Variants in BRF1 observed in about 807,000 individuals in gnomAD.
BRF1 encodes the protein transcription factor IIIB 90 kDa subunit.
A neutral mutation model predicts 81.7 loss-of-function variants in BRF1; 59 were observed. That is an observed-to-expected ratio of 0.72 (90% CI 0.59 to 0.90). The LOEUF is 0.90. BRF1 is among the 40% of genes least tolerant of loss of function. BRF1 has a pLI of 0.00. For synonymous variants in BRF1, 491 were observed against 395.6 expected (o/e 1.24, Z -2.86); for missense variants, 1,050 against 936.3 (o/e 1.12, Z -1.58).
rs1423815086 is a variant in BRF1, at chr14:105,249,123, C to G, written c.544+3384G>C. 3.9e-6 allele frequency: 6 copies of G among 1,520,894 alleles called. No individual in the cohort carries two copies. In the African/African-American group the frequency reaches 8.5e-5, roughly 22 times the overall value. The allele number at this position is 1,520,894 out of a possible 1,614,324, so 94.2% of individuals were successfully genotyped here. The stretch of plus-strand genomic sequence containing the variant: ...CCCGCGGCCCCCGCGCCCGCGCGCG[C>G]CCACGCCCCCAGCCCGTGCCTCTAC... On this transcript the variant is annotated intron_variant, in intron 5 of 17. Transcript: ENST00000547530.
chr14:105,287,850 A>G (rs1026889730), intron 1 of BRF1, among the ~76,000 whole-genome samples: 1 of 152,272 alleles, frequency 6.6e-6, no homozygotes, highest in Non-Finnish European at 1.5e-5. Context: ...AGCAAGGGGC[A>G]GCTACTGGGC....
intron 1 of BRF1, among the ~76,000 whole-genome samples, 167 bp downstream of exon 1, chr14:105,300,279 T>A (rs1374871616): frequency 6.6e-6 from 1 of 151,382 alleles, no homozygotes; most frequent in African/African-American, 2.4e-5. Flanking sequence ...GCGAAGAAGG[T>A]CTACATTCTC....
intron 2 of BRF1, among the ~76,000 whole-genome samples, chr14:105,283,615 G>T (rs1380507753): frequency 6.6e-6 from 1 of 152,198 alleles, no homozygotes; most frequent in Non-Finnish European, 1.5e-5. Context: ...AAAGGCTTTT[G>T]AAAAGGTAAG....
At chr14:105,249,287 C>CGCCCCGTGCCCCGTCCGCCCCGT in intron 5 of BRF1, 1 of 1,563,026 alleles carries the variant, frequency 6.4e-7, no homozygotes, top group East Asian at 2.3e-5. Flanking sequence ...GTGCCCCGTC[C>CGCCCCGTGCCCCGTCCGCCCCGT]GCCCCGTCCG....
chr14:105,291,055 T>C (rs7146643), intron 1 of BRF1, among the ~76,000 whole-genome samples: 46,109 of 151,992 alleles, frequency 0.3, 7,225 homozygotes, highest in African/African-American at 0.33. Context: ...TTCCATAGCG[T>C]GTTTCTATAA....
At chr14:105,273,637 C>T (rs1183407217) in intron 2 of BRF1, among the ~76,000 whole-genome samples, 1 of 152,192 alleles carries the variant, frequency 6.6e-6, no homozygotes, top group African/African-American at 2.4e-5. Context: ...GAAACCTGTG[C>T]TGTATGGAAT....
intron 1 of BRF1, among the ~76,000 whole-genome samples, chr14:105,292,099 T>TC (rs925992426): frequency 1.3e-5 from 2 of 152,170 alleles, no homozygotes; most frequent in African/African-American, 4.8e-5. Context: ...CAAGGAATCC[T>TC]CCCACCTCAG....
intron 2 of BRF1, among the ~76,000 whole-genome samples, chr14:105,275,468 G>A (rs2056843432): frequency 6.6e-6 from 1 of 152,248 alleles, no homozygotes; most frequent in South Asian, 2.1e-4. Flanking sequence ...CTGCACATGT[G>A]CAGCACCAGC....
chr14:105,305,598 T>C (rs2058163929), upstream of BRF1, among the ~76,000 whole-genome samples: 1 of 152,142 alleles, frequency 6.6e-6, no homozygotes, highest in Non-Finnish European at 1.5e-5. Context: ...GGTTTGCCAT[T>C]GCAGTGTGAA....
chr14:105,222,464 C>T (rs2141497800), intron 10 of BRF1: 1 of 152,498 alleles, frequency 6.6e-6, no homozygotes, highest in South Asian at 2.1e-4. Flanking sequence ...ATACAAAGAC[C>T]TCCAGTCCTG....
intron 1 of BRF1, among the ~76,000 whole-genome samples, chr14:105,288,264 C>T (rs587651186): frequency 3.4e-4 from 52 of 151,592 alleles, no homozygotes; most frequent in Middle Eastern, 3.4e-3. Context: ...ACCATCTTGG[C>T]GAACATGGTG....
chr14:105,281,454 G>C (rs1001243193), intron 2 of BRF1, among the ~76,000 whole-genome samples: 44 of 148,846 alleles, frequency 3.0e-4, no homozygotes, highest in African/African-American at 1.1e-3. Flanking sequence ...GCCCGGGTGT[G>C]TGGATACAGC....
intron 1 of BRF1, among the ~76,000 whole-genome samples, chr14:105,288,606 C>T (rs1401593788): frequency 3.3e-5 from 5 of 151,036 alleles, no homozygotes; most frequent in East Asian, 2.0e-4. Flanking sequence ...CTGGGCAACA[C>T]GGGGAGACCC....
At chr14:105,248,200 AT>A in intron 5 of BRF1, 2 of 985,498 alleles carry the variant, frequency 2.0e-6, no homozygotes, top group Non-Finnish European at 2.4e-6. Flanking sequence ...AGCAAGCTAA[AT>A]CGCGAAGCAT....
chr14:105,306,671 T>G (rs1213479441), intron 1 of BRF1, among the ~76,000 whole-genome samples: 1 of 151,888 alleles, frequency 6.6e-6, no homozygotes, highest in Non-Finnish European at 1.5e-5. Context: ...AATGGCACGA[T>G]CTTGATGTAC....
At chr14:105,229,212 T>C (rs978704048) in intron 6 of BRF1, among the ~76,000 whole-genome samples, 1 of 152,154 alleles carries the variant, frequency 6.6e-6, no homozygotes, top group Non-Finnish European at 1.5e-5. Flanking sequence ...AAGATGACTG[T>C]GCGGGAAACA....
chr14:105,212,072 C>T (rs773953415), intron 16 of BRF1, 41 bp downstream of exon 16: 4 of 1,606,198 alleles, frequency 2.5e-6, no homozygotes, highest in South Asian at 1.1e-5. Flanking sequence ...AGTGGGCTGC[C>T]TCCCAAGGTC....
chr14:105,224,282 T>C (rs1892750630), intron 10 of BRF1, among the ~76,000 whole-genome samples: 1 of 152,262 alleles, frequency 6.6e-6, no homozygotes, highest in African/African-American at 2.4e-5. Context: ...GGCAGGAGAA[T>C]TGCTTCAAAC....
intron 12 of BRF1, chr14:105,219,586 C>A: frequency 2.2e-6 from 1 of 457,494 alleles, no homozygotes; most frequent in Non-Finnish European, 3.9e-6. Flanking sequence ...ATGGGCCAGG[C>A]TGGAGGGGTC....
Sources: allele counts gnomAD v4.1 joint callset (sites outside exome capture counted in the v4.1 genomes callset), GRCh38; gene constraint gnomAD v4.1.1; transcripts MANE v1.5; gene names NCBI Gene and HGNC (gene_info 2026-07-23, HGNC 2026-07-21).